SH3D21: variants seen among roughly 807,000 people sequenced by gnomAD.
The protein encoded by SH3D21 is manchette microtubule inner protein 1, also known as SH3 domain-containing protein 21.
A neutral mutation model predicts 82.1 loss-of-function variants in SH3D21; 83 were observed. The ratio of observed to expected loss-of-function variants is 1.01; its 90% confidence interval spans 0.85 to 1.21. The LOEUF (loss-of-function observed/expected upper bound fraction) is 1.21, where lower values mean the gene tolerates loss of function less well. Among genes scored for constraint, SH3D21 ranks in the 50% most tolerant of loss-of-function variants. SH3D21 has a pLI of 0.00. For missense variants in SH3D21, 980 were observed against 962.1 expected (o/e 1.02, Z -0.25); for synonymous variants, 383 against 387.8 (o/e 0.99, Z 0.15).
At position 36,320,251 on chromosome 1, in the gene SH3D21, GC is replaced by G. The variant is rs1440287457; in HGVS notation, c.1591del (p.His531ThrfsTer20). 5.6e-6 allele frequency: 9 copies of G among 1,612,890 alleles called. No individual in the cohort carries two copies. Among genetic ancestry groups the G allele is most frequent in the Non-Finnish European group, 7.6e-6 (9 of 1,179,980 alleles). ...AKEDPSSQEE[A>X]HTPEAPPPQP... is the part of the protein sequence containing the mutation. ...AGAGGATCCATCATCCCAGGAGGAG[GC>G]CCACACGCCAGAGGCACCCCCACCC... On this transcript the variant is annotated frameshift_variant, in exon 14 of 16. Transcript: ENST00000453908. LOFTEE classifies it high-confidence loss of function.
rs116632748 is a variant in SH3D21 at position 36,308,333 on chromosome 1, C to G, written c.640-56C>G. 302 of 1,523,820 alleles carry G rather than the reference C, an allele frequency of 2.0e-4. No individual in the cohort carries two copies. The African/African-American group carries it at 2.8e-3, about 14-fold the overall frequency. 94.4% of individuals were successfully genotyped at this position (1,523,820 alleles called of 1,614,324 possible). A position where few individuals can be genotyped will look rare whatever the true frequency, so the allele number is the denominator to read the frequency against. ...ATATCCATAAGAAGGAGTGGGACCC[C>G]GGAAAGGACCTTGGGGGACCTGGCT... On this transcript the variant is annotated intron_variant, in intron 8 of 15. Coordinates refer to ENST00000453908, the MANE Select transcript of SH3D21 (RefSeq NM_001162530.2).
At chr1:36,321,855 C>T, downstream of SH3D21, 1 of 1,023,634 alleles carries the variant, frequency 9.8e-7, no homozygotes, top group South Asian at 4.2e-5. The surrounding 1 kb of genome is among the most constrained non-coding windows in gnomAD (Gnocchi z 6.1). Context: ...CTGTGGGCTT[C>T]TGCTTTTCTG....
chr1:36,319,205 A>G, intron 11 of SH3D21, 41 bp downstream of exon 11: 1 of 1,549,308 alleles, frequency 6.5e-7, no homozygotes, highest in Non-Finnish European at 8.7e-7. Context: ...GGAGGGTAGG[A>G]GGCAACGCCC....
downstream of SH3D21, chr1:36,324,379 A>G (rs2124709095): frequency 6.8e-6 from 1 of 147,960 alleles, no homozygotes. Flanking sequence ...TCACACACGC[A>G]TTTCCCACCT....
At chr1:36,317,584 C>T (rs371948906) in intron 10 of SH3D21, among the ~76,000 whole-genome samples, 14 of 152,078 alleles carry the variant, frequency 9.2e-5, no homozygotes, top group South Asian at 4.2e-4. Flanking sequence ...TTTTTTGAGA[C>T]GGAGTTTAAC....
chr1:36,309,865 C>T (rs560111573), intron 10 of SH3D21, among the ~76,000 whole-genome samples: 4 of 152,252 alleles, frequency 2.6e-5, no homozygotes, highest in Non-Finnish European at 4.4e-5. Flanking sequence ...ATGAATATGT[C>T]TGTTCATATA....
chr1:36,307,349 G>C lies in SH3D21; in HGVS notation c.345+64G>C. On this transcript the variant is annotated intron_variant, in intron 4 of 15. Transcript: ENST00000453908. This position sits in a 1 kb window ranked among gnomAD's most constrained non-coding sequence, Gnocchi z 5.4. ...ATGGAACGCGCCTCCCTAGTGAGCG[G>C]GGTGGGAAGTGAGGGTGTGGACGGT... The C allele has an allele frequency of 6.5e-7, 1 of 1,542,850 alleles. No individual in the cohort carries two copies. Among genetic ancestry groups the C allele is most frequent in the Non-Finnish European group, 8.8e-7 (1 of 1,139,982 alleles).
Position 36,307,903 on chromosome 1 carries a change from C to A in SH3D21, c.493-15C>A, listed in dbSNP as rs942136774. On this transcript the variant is annotated splice_polypyrimidine_tract_variant and intron_variant, in intron 6 of 15. Coordinates refer to ENST00000453908, the MANE Select transcript of SH3D21 (RefSeq NM_001162530.2). The surrounding 1 kb of genome is among the most constrained non-coding windows in gnomAD (Gnocchi z 5.4). ...GGAGGCTCATCTAGTTCCTCCCTGCCCCTTCCCCCACTAGCTGAGCAGCCT... is the reference window on the plus strand; with the variant it reads ...GGAGGCTCATCTAGTTCCTCCCTGCACCTTCCCCCACTAGCTGAGCAGCCT... 19 of 1,551,718 alleles carry A rather than the reference C, an allele frequency of 1.2e-5. No individual in the cohort carries two copies. In the Admixed American group the frequency reaches 1.4e-4, roughly 11 times the overall value.
rs940654259 is a variant in SH3D21, at chr1:36,308,371, G to A, written c.640-18G>A. 1.4e-5 allele frequency: 21 copies of A among 1,550,972 alleles called. No individual in the cohort carries two copies. Among genetic ancestry groups the A allele is most frequent in the Non-Finnish European group, 8.7e-7 (1 of 1,146,356 alleles). ...GGGGGACCTGGCTCACCTCCCCACT[G>A]GCGTGTTTCTTTTCCAGACCACAGA... On this transcript the variant is annotated intron_variant, in intron 8 of 15. Coordinates refer to ENST00000453908, the MANE Select transcript of SH3D21 (RefSeq NM_001162530.2).
chr1:36,313,972 C>CTTGTTTTTTTT (rs1646291096), intron 10 of SH3D21, among the ~76,000 whole-genome samples: 1 of 36,784 alleles, frequency 2.7e-5, no homozygotes, highest in Non-Finnish European at 5.4e-5. Flanking sequence ...AACATATTTT[C>CTTGTTTTTTTT]TTTTTTTTTT....
At chr1:36,327,731 G>T, downstream of SH3D21, 1 of 1,223,360 alleles carries the variant, frequency 8.2e-7, no homozygotes, top group South Asian at 1.4e-5. Flanking sequence ...GGCTTGCCGT[G>T]GCCAAGCCAG....
rs1646122962 is a variant in SH3D21, at chr1:36,306,523, G to A, written c.5-75G>A. 3 of 1,303,406 alleles carry A rather than the reference G, an allele frequency of 2.3e-6. No individual in the cohort carries two copies. Among genetic ancestry groups the A allele is most frequent in the South Asian group, 2.5e-5 (2 of 80,936 alleles). The allele number at this position is 1,303,406 out of a possible 1,614,324, so 80.7% of individuals were successfully genotyped here. A position where few individuals can be genotyped will look rare whatever the true frequency, so the allele number is the denominator to read the frequency against. On this transcript the variant is annotated intron_variant, in intron 1 of 15. Transcript: ENST00000453908. This position sits in a 1 kb window ranked among gnomAD's most constrained non-coding sequence, Gnocchi z 4.5. ...CCCCGCTGCCCTCTACGGTGCTTGG[G>A]GACACGCCCGCCCTAGCCAGGCTGC... is the stretch of plus-strand genomic sequence containing the variant.
chr1:36,309,709 CCTG>C (rs1048759734), intron 10 of SH3D21, 119 bp downstream of exon 10: 12 of 1,103,020 alleles, frequency 1.1e-5, no homozygotes, highest in Admixed American at 2.6e-5. Context: ...AGCCCCCTCA[CCTG>C]TGGGTCAAAA....
chr1:36,313,623 G>A (rs1052755876), intron 10 of SH3D21, among the ~76,000 whole-genome samples: 1 of 152,054 alleles, frequency 6.6e-6, no homozygotes, highest in African/African-American at 2.4e-5. Flanking sequence ...CTAGGCTGGA[G>A]TGTGGTGGCA....
downstream of SH3D21, among the ~76,000 whole-genome samples, chr1:36,329,713 A>T (rs1646575597): frequency 6.6e-6 from 1 of 152,144 alleles, no homozygotes; most frequent in South Asian, 2.1e-4. Flanking sequence ...TGAAAAAAAA[A>T]ATGAGTAAGG....
chr1:36,308,236 C>T, intron 8 of SH3D21, 27 bp downstream of exon 8: 1 of 1,507,922 alleles, frequency 6.6e-7, no homozygotes, highest in Non-Finnish European at 8.9e-7. Context: ...GTGGGGGGGC[C>T]CAGGGAAGCC....
chr1:36,325,326 C>T (rs1032218454), downstream of SH3D21, among the ~76,000 whole-genome samples: 1 of 152,112 alleles, frequency 6.6e-6, no homozygotes, highest in African/African-American at 2.4e-5. Context: ...GCCATCATGC[C>T]GGCCAATAGT....
chr1:36,320,674 G>C lies in SH3D21; in HGVS notation c.2011G>C (p.Ala671Pro). ...KPPPDSQETL[A>P]LPSLVPQNYT... ...GCCTCCAGACTCCCAAGAGACGCTC[G>C]CGCTCCCCTCGCTGGTCCCGCAAAA... The change falls in exon 14 of 16, where the codon GCG becomes CCG. Residue 671 changes from alanine (A) to proline (P), a missense_variant. Ala to Pro is a conservative substitution (Grantham distance 27, BLOSUM62 -1). Transcript: ENST00000453908. The C allele has an allele frequency of 6.2e-7, 1 of 1,614,232 alleles. No homozygotes were observed. Among genetic ancestry groups the C allele is most frequent in the Non-Finnish European group, 8.5e-7 (1 of 1,180,042 alleles).
chr1:36,320,976 G>C lies in SH3D21; in HGVS notation c.2197G>C (p.Glu733Gln), dbSNP rs1646449304. 1 of 1,572,600 alleles carries C rather than the reference G, an allele frequency of 6.4e-7. No homozygotes were observed. Among genetic ancestry groups the C allele is most frequent in the Non-Finnish European group, 8.6e-7 (1 of 1,159,228 alleles). Residue 733 changes from glutamate (E) to glutamine (Q), a missense_variant and splice_region_variant, in exon 15 of 16, where the codon GAG (glutamate) becomes CAG (glutamine). Glu to Gln is a conservative substitution (Grantham distance 29). Coordinates refer to ENST00000453908, the MANE Select transcript of SH3D21 (RefSeq NM_001162530.2). ...CGAGAAGGAGCAGCGCCGGCGGCTG[G>C]AGGTGAGGCGCGGGTCCCGGCGGGA... Reference protein sequence around the residue: ...KSEKEQRRRLEVQVMQGTQKS... With the variant: ...KSEKEQRRRLQVQVMQGTQKS...
Sources: allele counts gnomAD v4.1 joint callset (sites outside exome capture counted in the v4.1 genomes callset), GRCh38; gene constraint gnomAD v4.1.1; non-coding constraint Gnocchi (gnomAD v3.1); transcripts MANE v1.5; gene names NCBI Gene and HGNC (gene_info 2026-07-23, HGNC 2026-07-21).